Variants in PDGFRB observed in about 807,000 individuals in gnomAD.
PDGFRB encodes the protein platelet derived growth factor receptor beta.
In PDGFRB, 42 loss-of-function variants were observed where a neutral mutation model predicts 120.2. The ratio of observed to expected loss-of-function variants is 0.35; its 90% CI spans 0.27 to 0.45. The LOEUF is 0.45. PDGFRB is among the 20% of genes least tolerant of loss of function. PDGFRB has a pLI of 1.00. For synonymous variants in PDGFRB, 586 were observed against 606.8 expected, an observed-to-expected ratio of 0.97 and a Z score of 0.50; for missense variants, 1,149 against 1,476.3, an observed-to-expected ratio of 0.78 and a Z score of 3.63.
At chr5:150,136,983 C>G (rs930497621) in intron 2 of PDGFRB, 25 bp downstream of exon 2, 3 of 1,604,410 alleles carry the variant, frequency 1.9e-6, no homozygotes, top group Non-Finnish European at 2.6e-6. Flanking sequence ...CCCCGGGTCC[C>G]CTACCTTATC....
At chr5:150,143,586 A>G (rs1263948723) in intron 1 of PDGFRB, among the ~76,000 whole-genome samples, 1 of 152,174 alleles carries the variant, frequency 6.6e-6, no homozygotes, top group East Asian at 1.9e-4. Flanking sequence ...GCTAAAGAGT[A>G]GGAAAGGGAT....
At chr5:150,136,301 G>A (rs1027310339) in intron 2 of PDGFRB, among the ~76,000 whole-genome samples, 8 of 152,208 alleles carry the variant, frequency 5.3e-5, no homozygotes, top group African/African-American at 1.9e-4. Context: ...GCTCTGGGTG[G>A]GAGAGAGATG....
intron 2 of PDGFRB, among the ~76,000 whole-genome samples, chr5:150,136,672 C>G (rs1185523995): frequency 6.6e-6 from 1 of 152,056 alleles, no homozygotes; most frequent in Non-Finnish European, 1.5e-5. Context: ...AGCTCCCAGC[C>G]AATGAGGGGT....
At chr5:150,125,944 C>A (rs562082456) in intron 11 of PDGFRB, among the ~76,000 whole-genome samples, 3 of 152,164 alleles carry the variant, frequency 2.0e-5, no homozygotes, top group African/African-American at 7.2e-5. Context: ...CGGCTGGATG[C>A]GGATGGCCCT....
At chr5:150,116,203 G>GTT (rs1463026920) in intron 22 of PDGFRB, among the ~76,000 whole-genome samples, 1 of 152,218 alleles carries the variant, frequency 6.6e-6, no homozygotes, top group African/African-American at 2.4e-5. Flanking sequence ...TGGCTCCAAA[G>GTT]CTCGTTTCTC....
chr5:150,117,542 G>GCGCAGA (rs1554107289), intron 22 of PDGFRB, 76 bp downstream of exon 22: 19 of 463,334 alleles, frequency 4.1e-5, no homozygotes, highest in Non-Finnish European at 6.2e-5. Context: ...GCGCGCGCGC[G>GCGCAGA]CGCACACACA....
intron 9 of PDGFRB, among the ~76,000 whole-genome samples, chr5:150,130,279 AAC>A: frequency 6.6e-6 from 1 of 152,144 alleles, no homozygotes; most frequent in African/African-American, 2.4e-5. Flanking sequence ...AGGAGTGCAG[AAC>A]TGATCTACAG....
At chr5:150,135,121 C>G (rs898729737) in intron 3 of PDGFRB, 105 bp from the exon 4 acceptor site, 5 of 653,824 alleles carry the variant, frequency 7.6e-6, no homozygotes, top group African/African-American at 7.2e-5. Flanking sequence ...TCTGTCTCCC[C>G]GTTACAGAAT....
chr5:150,121,786 G>T lies in PDGFRB; in HGVS notation c.2344+94C>A. On this transcript the variant is annotated intron_variant, in intron 16 of 22. Coordinates refer to ENST00000261799, the MANE Select transcript of PDGFRB (RefSeq NM_002609.4). The surrounding 1 kb of genome is among the most constrained non-coding windows in gnomAD (Gnocchi z 4.1). ...TTCTACATCTATGAAATGGGCACGA[G>T]GCTCCCTTCTTCTCAGGGTTTTTGG... 1 of 974,036 alleles carries T rather than the reference G, an allele frequency of 1.0e-6. No homozygotes were observed. Among genetic ancestry groups the T allele is most frequent in the East Asian group, 2.4e-5 (1 of 41,766 alleles). 60.3% of individuals were successfully genotyped at this position (974,036 alleles called of 1,614,324 possible).
chr5:150,154,508 G>A (rs988447838), intron 1 of PDGFRB, among the ~76,000 whole-genome samples: 3 of 152,232 alleles, frequency 2.0e-5, no homozygotes, highest in Non-Finnish European at 2.9e-5. Context: ...ACTCAGCACA[G>A]TTGCGGCGTG....
chr5:150,132,068 C>T lies in PDGFRB; in HGVS notation c.1154G>A (p.Arg385His), dbSNP rs375122221. 1.2e-6 allele frequency: 2 copies of T among 1,608,938 alleles called. No homozygotes were observed. Among genetic ancestry groups the T allele is most frequent in the Non-Finnish European group, 1.7e-6 (2 of 1,175,356 alleles). Residue 385 changes from arginine (R) to histidine (H), a missense_variant, in exon 8 of 23, where the codon CGC (arginine) becomes CAC (histidine). By Grantham distance (29) the Arg-to-His change is conservative. Coordinates refer to ENST00000261799, the MANE Select transcript of PDGFRB (RefSeq NM_002609.4). The surrounding 1 kb of genome is among the most constrained non-coding windows in gnomAD (Gnocchi z 5.0). Reference protein sequence around the residue: ...TRYVSELTLVRVKVAEAGHYT... With the variant: ...TRYVSELTLVHVKVAEAGHYT... ...GTGGCCAGCCTCTGCCACCTTCACG[C>T]GAACCAGTGTCAGCTCTGACACATA...
chr5:150,137,226 C>T, intron 1 of PDGFRB, 173 bp from the exon 2 acceptor site: 1 of 580,126 alleles, frequency 1.7e-6, no homozygotes, highest in South Asian at 2.1e-5. Context: ...CTCATGACCA[C>T]AGGCTGTCTC....
At position 150,132,555 on chromosome 5, in the gene PDGFRB, G is replaced by A. The variant is rs913788199; in HGVS notation, c.1127+195C>T. ...ACATCTGGGTGATCATCTGACCGGC[G>A]ACTGTTTCCTCCACTAGACTAGAAA... On this transcript the variant is annotated intron_variant, in intron 7 of 22. Transcript: ENST00000261799. The surrounding 1 kb of genome is among the most constrained non-coding windows in gnomAD (Gnocchi z 5.0). 3.3e-5 allele frequency among the ~76,000 whole-genome samples: 5 copies of A among 152,212 alleles called. No individual in the cohort carries two copies. Among genetic ancestry groups the A allele is most frequent in the Non-Finnish European group, 4.4e-5 (3 of 68,040 alleles).
rs867537698 is a variant in PDGFRB at position 150,114,932 on chromosome 5, C to T, written c.*831G>A. 1 of 233,298 alleles carries T rather than the reference C, an allele frequency of 4.3e-6. No individual in the cohort carries two copies. Among genetic ancestry groups the T allele is most frequent in the Non-Finnish European group, 8.5e-6 (1 of 118,064 alleles). 14.5% of individuals were successfully genotyped at this position (233,298 alleles called of 1,614,324 possible). Reference sequence around the variant, plus strand: ...CACACACGTGGCCACTCCACACTGGCACATTTACATTCTCATCACAGATGC... The same window carrying T: ...CACACACGTGGCCACTCCACACTGGTACATTTACATTCTCATCACAGATGC... On this transcript the variant is annotated 3_prime_UTR_variant, in exon 23 of 23. Coordinates refer to ENST00000261799, the MANE Select transcript of PDGFRB (RefSeq NM_002609.4).
rs1434331914 is a variant in PDGFRB, at chr5:150,123,194, G to T, written c.2031C>A (p.Ile677=). 1.2e-6 allele frequency: 2 copies of T among 1,612,978 alleles called. No individual in the cohort carries two copies. Among genetic ancestry groups the T allele is most frequent in the Non-Finnish European group, 1.7e-6 (2 of 1,179,648 alleles). Residue 677 remains isoleucine, a synonymous_variant, in exon 15 of 23, where the codon ATC becomes ATA. Transcript: ENST00000261799. ...LLGACTKGGP[I]YIITEYCRYG... is the part of the protein sequence containing the mutation. Reference sequence around the variant, plus strand: ...AGCGGCAGTACTCAGTGATGATATAGATGGGTCCTGCAGAGGGACAGGCTC... The same window carrying T: ...AGCGGCAGTACTCAGTGATGATATATATGGGTCCTGCAGAGGGACAGGCTC...
At chr5:150,143,516 C>A (rs1365592680) in intron 1 of PDGFRB, among the ~76,000 whole-genome samples, 1 of 152,236 alleles carries the variant, frequency 6.6e-6, no homozygotes, top group East Asian at 1.9e-4. Context: ...CAGTTCCAGG[C>A]CTGGGAGTCT....
chr5:150,126,680 T>G, intron 10 of PDGFRB, 66 bp from the exon 11 acceptor site: 4 of 844,576 alleles, frequency 4.7e-6, no homozygotes, highest in Non-Finnish European at 8.3e-6. Context: ...ACCCCATCTT[T>G]GGCATCATAG....
rs778954389 is a variant in PDGFRB, at chr5:150,124,244, C to T, written c.2023+6G>A. The T allele has an allele frequency of 2.5e-5, 40 of 1,603,364 alleles. No homozygotes were observed. Among genetic ancestry groups the T allele is most frequent in the Non-Finnish European group, 3.1e-5 (36 of 1,170,640 alleles). ...CCTGAGGCCTCTGGGGCAGTGGGCT[C>T]GGTACCTCCTTTGGTGCAGGCCCCC... is the stretch of plus-strand genomic sequence containing the variant. On this transcript the variant is annotated splice_donor_region_variant and intron_variant, in intron 14 of 22. Coordinates refer to ENST00000261799, the MANE Select transcript of PDGFRB (RefSeq NM_002609.4).
At position 150,132,675 on chromosome 5, in the gene PDGFRB, C is replaced by T; in HGVS notation, c.1127+75G>A. On this transcript the variant is annotated intron_variant, in intron 7 of 22. Transcript: ENST00000261799. The surrounding 1 kb of genome is among the most constrained non-coding windows in gnomAD (Gnocchi z 5.0). ...CAGAAAGCTGGGCCTAGGTTTGTGG[C>T]TGAAAGCCGAGGGCTGCCTGGCGGC... is the stretch of plus-strand genomic sequence containing the variant. The T allele has an allele frequency of 2.8e-6, 4 of 1,438,858 alleles. No homozygotes were observed. The highest frequency in any genetic ancestry group is 3.8e-6 in the Non-Finnish European group (4 of 1,063,912). The allele number at this position is 1,438,858 out of a possible 1,614,324, so 89.1% of individuals were successfully genotyped here.
Sources: gnomAD v4.1 joint callset for allele counts (sites outside exome capture counted in the v4.1 genomes callset) on GRCh38, gnomAD v4.1.1 for gene constraint, Gnocchi (gnomAD v3.1) non-coding constraint, MANE v1.5 for transcripts, NCBI Gene and HGNC (gene_info 2026-07-23, HGNC 2026-07-21) for gene names.